Variants in TFAP2B observed in about 807,000 individuals in gnomAD.
TFAP2B encodes the protein transcription factor AP-2 beta, also known as transcription factor AP-2-beta.
In TFAP2B, 9 loss-of-function variants were observed where a neutral mutation model predicts 44.3. The ratio of observed to expected loss-of-function variants is 0.20; its 90% confidence interval spans 0.12 to 0.35. The LOEUF is 0.35. TFAP2B is among the 10% of genes least tolerant of loss of function. TFAP2B has a pLI of 1.00. For synonymous variants in TFAP2B, 270 were observed against 263.8 expected (o/e 1.02, Z -0.23); for missense variants, 509 against 600.0 (o/e 0.85, Z 1.59).
chr6:50,838,439 C>T (rs572263564), intron 5 of TFAP2B, among the ~76,000 whole-genome samples: 6 of 152,274 alleles, frequency 3.9e-5, no homozygotes, highest in African/African-American at 1.4e-4. Flanking sequence ...ATTCTATACC[C>T]CTTCACCTTG....
At chr6:50,820,396 C>CT (rs1490495993) in intron 1 of TFAP2B, among the ~76,000 whole-genome samples, 15 of 152,342 alleles carry the variant, frequency 9.8e-5, no homozygotes, top group African/African-American at 3.6e-4. Flanking sequence ...CTCCTGCCCC[C>CT]CCCCGAATCC....
intron 3 of TFAP2B, 54 bp from the exon 4 acceptor site, chr6:50,836,007 G>T: frequency 7.3e-7 from 1 of 1,378,948 alleles, no homozygotes; most frequent in Admixed American, 1.7e-5. Context: ...CTATCAGCCG[G>T]TCATCAGGAT....
intron 1 of TFAP2B, among the ~76,000 whole-genome samples, chr6:50,820,534 T>C (rs1168318493): frequency 1.3e-5 from 2 of 152,256 alleles, no homozygotes; most frequent in Non-Finnish European, 2.9e-5. Context: ...TGTTGCTGAA[T>C]GATGCTTGGG....
At chr6:50,830,285 T>C (rs774598260) in intron 3 of TFAP2B, 4 of 984,790 alleles carry the variant, frequency 4.1e-6, no homozygotes, top group South Asian at 9.4e-5. Context: ...CAATCAGAAA[T>C]GTTATTAATA....
chr6:50,841,774 C>T (rs1762738441), intron 6 of TFAP2B, among the ~76,000 whole-genome samples: 1 of 152,162 alleles, frequency 6.6e-6, no homozygotes, highest in South Asian at 2.1e-4. Flanking sequence ...AAAAACTGCC[C>T]CACTTTGGTC....
intron 3 of TFAP2B, 139 bp from the exon 4 acceptor site, chr6:50,835,922 C>A: frequency 2.5e-6 from 2 of 786,642 alleles, no homozygotes; most frequent in East Asian, 2.4e-5. Context: ...CGCACTGCAG[C>A]CCCACTGGAA....
intron 1 of TFAP2B, 151 bp from the exon 2 acceptor site, chr6:50,823,256 T>C: frequency 1.3e-6 from 1 of 750,586 alleles, no homozygotes. Flanking sequence ...TTGCTTCCCT[T>C]GTCCCGGGAA....
intron 6 of TFAP2B, among the ~76,000 whole-genome samples, chr6:50,842,069 G>T (rs1313364421): frequency 3.3e-5 from 5 of 152,186 alleles, no homozygotes; most frequent in African/African-American, 9.7e-5. Context: ...ACCCATTGTG[G>T]GTCTAGGACT....
At chr6:50,828,504 T>G (rs979896213) in intron 2 of TFAP2B, 115 bp from the exon 3 acceptor site, 12 of 861,950 alleles carry the variant, frequency 1.4e-5, no homozygotes, top group Middle Eastern at 2.9e-4. Flanking sequence ...AAAACAGCCC[T>G]TTGTGAATTA....
In TFAP2B at chr6:50,818,884, T is replaced by A; in HGVS notation, c.-8T>A. On this transcript the variant is annotated 5_prime_UTR_variant, in exon 1 of 7. Transcript: ENST00000393655. The stretch of plus-strand genomic sequence containing the variant: ...TCCTGAGAAGCCAGACATCTGCTCC[T>A]CACATGAATGCACTCACCTCCTAGA... 6.2e-7 allele frequency: 1 copy of A among 1,613,922 alleles called. No homozygotes were observed. Among genetic ancestry groups the A allele is most frequent in the Non-Finnish European group, 8.5e-7 (1 of 1,179,876 alleles).
Position 50,823,707 on chromosome 6 carries a change from G to A in TFAP2B, c.382G>A (p.Ala128Thr). The A allele has an allele frequency of 1.2e-6, 2 of 1,613,228 alleles. No homozygotes were observed. The highest frequency in any genetic ancestry group is 1.7e-6 in the Non-Finnish European group (2 of 1,179,642). The part of the protein sequence containing the change: ...AGSLLPQPRA[A>T]LPQLSGLDPR... ...CTCTCTCCTGCCCCAGCCTCGGGCC[G>A]CCTTGCCCCAGCTCTCGGGCCTTGA... The change falls in exon 2 of 7, where the codon GCC becomes ACC. Residue 128 changes from alanine to threonine, a missense_variant. Ala to Thr is a moderately conservative substitution (Grantham distance 58). Transcript: ENST00000393655.
Position 50,822,327 on chromosome 6 carries a change from G to C in TFAP2B, c.82-1080G>C, listed in dbSNP as rs570159878. Among the ~76,000 whole-genome samples the C allele has an allele frequency of 1.6e-4, 24 of 152,232 alleles. No individual in the cohort carries two copies. The South Asian group carries it at 3.9e-3, about 25-fold the overall frequency. On this transcript the variant is annotated intron_variant, in intron 1 of 6. Coordinates refer to ENST00000393655, the MANE Select transcript of TFAP2B (RefSeq NM_003221.4). ...AGCACCATAATTGGACGAGGCTGCA[G>C]CTGCTTCTCTCTGCATTGTGTGTTC...
At chr6:50,842,838 G>T (rs1383187836) in intron 6 of TFAP2B, among the ~76,000 whole-genome samples, 1 of 152,234 alleles carries the variant, frequency 6.6e-6, no homozygotes, top group Non-Finnish European at 1.5e-5. Flanking sequence ...GGAATGGAGG[G>T]GAGAAAGGCT....
intron 1 of TFAP2B, chr6:50,822,194 T>G (rs1464540542): frequency 2.3e-6 from 3 of 1,297,592 alleles, no homozygotes; most frequent in Non-Finnish European, 3.1e-6. Context: ...CAGAATTGCA[T>G]GCTCCCTCCT....
intron 2 of TFAP2B, among the ~76,000 whole-genome samples, chr6:50,827,845 T>G (rs1420577139): frequency 1.3e-5 from 2 of 152,198 alleles, no homozygotes; most frequent in African/African-American, 2.4e-5. Flanking sequence ...GTTGAAACTT[T>G]CCTTCTCTGG....
intron 3 of TFAP2B, among the ~76,000 whole-genome samples, chr6:50,831,903 G>A (rs923450722): frequency 3.3e-5 from 5 of 152,162 alleles, no homozygotes; most frequent in African/African-American, 9.7e-5. Context: ...TGGTCTTAGG[G>A]ATATCCTGTT....
At chr6:50,840,990 C>T (rs1163320920) in intron 6 of TFAP2B, among the ~76,000 whole-genome samples, 1 of 152,224 alleles carries the variant, frequency 6.6e-6, no homozygotes, top group East Asian at 1.9e-4. Context: ...CAGCCGCGCT[C>T]ATTTATTTAG....
chr6:50,843,445 A>G lies in TFAP2B; in HGVS notation c.*53A>G, dbSNP rs1290748545. ...GTTTTAAATACAAAAGGAAAAACAG[A>G]CAAAAATTTAATTTTAGCTTTAAAA... On this transcript the variant is annotated 3_prime_UTR_variant, in exon 7 of 7. Coordinates refer to ENST00000393655, the MANE Select transcript of TFAP2B (RefSeq NM_003221.4). The G allele has an allele frequency of 1.3e-6, 2 of 1,544,606 alleles. No homozygotes were observed. Among genetic ancestry groups the G allele is most frequent in the South Asian group, 1.2e-5 (1 of 84,552 alleles).
Position 50,836,114 on chromosome 6 carries a change from C to A in TFAP2B, c.655C>A (p.Leu219Met). ...TCTAATGATGAATAAAGACGGCTTC[C>A]TGGGAGGCATGTCTGTCAACACCGG... ...TSLMMNKDGF[L>M]GGMSVNTGEV... Residue 219 changes from leucine (L) to methionine (M), a missense_variant, in exon 4 of 7, where the codon CTG (leucine) becomes ATG (methionine). Coordinates refer to ENST00000393655, the MANE Select transcript of TFAP2B (RefSeq NM_003221.4). 1 of 1,614,132 alleles carries A rather than the reference C, an allele frequency of 6.2e-7. No individual in the cohort carries two copies. The highest frequency in any genetic ancestry group is 1.3e-5 in the African/African-American group (1 of 75,056).
Sources: allele counts gnomAD v4.1 joint callset (sites outside exome capture counted in the v4.1 genomes callset), GRCh38; gene constraint gnomAD v4.1.1; transcripts MANE v1.5; gene names NCBI Gene and HGNC (gene_info 2026-07-23, HGNC 2026-07-21).